Variants in EIPR1 observed in about 807,000 individuals in gnomAD.
EIPR1 encodes EARP and GARP complex-interacting protein 1.
EIPR1 carries 25 observed loss-of-function variants against 48.1 expected under a neutral mutation model. The observed-to-expected ratio is 0.52, with a 90% CI of 0.38 to 0.73. The LOEUF (loss-of-function observed/expected upper bound fraction) is 0.73. EIPR1 is among the 30% of genes least tolerant of loss of function. The probability of loss-of-function intolerance (pLI) is 0.00; values close to 1 mark genes in which losing one functional copy is unlikely to be tolerated. For missense variants in EIPR1, 415 were observed against 506.2 expected (o/e 0.82, Z 1.73); for synonymous variants, 204 against 201.9 (o/e 1.01, Z -0.09).
chr2:3,257,855 G>A (rs896926283), intron 3 of EIPR1, among the ~76,000 whole-genome samples: 1 of 152,236 alleles, frequency 6.6e-6, no homozygotes, highest in African/African-American at 2.4e-5. Context: ...TCTCTCCATA[G>A]CTGTATGAGA....
At chr2:3,343,039 T>G (rs1462144675) in intron 2 of EIPR1, among the ~76,000 whole-genome samples, 1 of 152,198 alleles carries the variant, frequency 6.6e-6, no homozygotes, top group African/African-American at 2.4e-5. Flanking sequence ...CTATAATATA[T>G]TACTATTAAT....
chr2:3,302,457 A>ATGC, intron 3 of EIPR1, among the ~76,000 whole-genome samples: 1 of 152,330 alleles, frequency 6.6e-6, no homozygotes, highest in East Asian at 1.9e-4. Context: ...TGGCTTTCTC[A>ATGC]TGCTGTCTCA....
In EIPR1 at chr2:3,214,249, C is replaced by T. The variant is rs1665553224; in HGVS notation, c.417-1G>A. 1 of 1,612,702 alleles carries T rather than the reference C, an allele frequency of 6.2e-7. No individual in the cohort carries two copies. The highest frequency in any genetic ancestry group is 1.1e-5 in the South Asian group (1 of 90,928). On this transcript the variant is annotated splice_acceptor_variant, in intron 4 of 8. Coordinates refer to ENST00000382125, the MANE Select transcript of EIPR1 (RefSeq NM_003310.5). LOFTEE classifies it high-confidence loss of function. ...ATCTCCCATTGGCTCCCACACGACA[C>T]TAAGAGAAAGAGAAGTACCAAATGT... is the stretch of plus-strand genomic sequence containing the variant.
At position 3,327,073 on chromosome 2, in the gene EIPR1, T is replaced by G. The variant is rs528398766; in HGVS notation, c.259+10944A>C. ...GCGAGACAGGAAACAGGGAGACAAG[T>G]GCTCTGGCAGAAACGGCCACACAGG... On this transcript the variant is annotated intron_variant, in intron 3 of 8. Coordinates refer to ENST00000382125, the MANE Select transcript of EIPR1 (RefSeq NM_003310.5). 1.7e-3 allele frequency among the ~76,000 whole-genome samples: 259 copies of G among 152,258 alleles called. 4 individuals carry two copies. The highest frequency in any genetic ancestry group is 8.8e-5 in the Non-Finnish European group (6 of 68,004).
chr2:3,303,757 G>GCGGCCTCTGCGCCCGGGAAGCTT (rs1668829613), intron 3 of EIPR1, among the ~76,000 whole-genome samples: 1 of 152,172 alleles, frequency 6.6e-6, no homozygotes, highest in Non-Finnish European at 1.5e-5. Flanking sequence ...GTGATACGGT[G>GCGGCCTCTGCGCCCGGGAAGCTT]CGGCCTCTGC....
rs61557621 is a variant in EIPR1, at chr2:3,225,222, A to ATGTGTGTGTGTGTGTG, written c.417-10990_417-10975dup. Reference sequence around the variant, plus strand: ...GTATATTTAGGTAGTACACTGTGATATGTGTGTGTGTGTGTGTGTGTGTGT... The same window carrying ATGTGTGTGTGTGTGTG: ...GTATATTTAGGTAGTACACTGTGATATGTGTGTGTGTGTGTGTGTGTGTGTGTGTGTGTGTGTGTGT... On this transcript the variant is annotated intron_variant, in intron 4 of 8. Transcript: ENST00000382125. Among the ~76,000 whole-genome samples the ATGTGTGTGTGTGTGTG allele has an allele frequency of 6.5e-4, 89 of 137,014 alleles. 1 individual carries two copies. Among genetic ancestry groups the ATGTGTGTGTGTGTGTG allele is most frequent in the African/African-American group, 1.4e-3 (52 of 36,392 alleles). The allele number at this position is 137,014 out of a possible 152,430, so 89.9% of individuals were successfully genotyped here.
intron 4 of EIPR1, among the ~76,000 whole-genome samples, chr2:3,255,595 T>A (rs1165485015): frequency 6.6e-6 from 1 of 152,250 alleles, no homozygotes; most frequent in Non-Finnish European, 1.5e-5. Flanking sequence ...ATACAGTGTC[T>A]GCACAAGGTG....
At chr2:3,197,386 T>C (rs769759544) in intron 5 of EIPR1, among the ~76,000 whole-genome samples, 4 of 152,200 alleles carry the variant, frequency 2.6e-5, no homozygotes, top group Non-Finnish European at 5.9e-5. Context: ...ACCTGAGCGG[T>C]TCCGGAATAA....
chr2:3,195,823 C>G (rs1446557350), intron 6 of EIPR1, among the ~76,000 whole-genome samples: 1 of 152,202 alleles, frequency 6.6e-6, no homozygotes, highest in Non-Finnish European at 1.5e-5. Flanking sequence ...CTCTGTGCTG[C>G]GCTGGCACGT....
chr2:3,270,413 G>A (rs1331735322), intron 3 of EIPR1, among the ~76,000 whole-genome samples: 3 of 152,186 alleles, frequency 2.0e-5, no homozygotes, highest in Non-Finnish European at 4.4e-5. Flanking sequence ...GTCTCCATGC[G>A]GCGGTGGTAG....
intron 2 of EIPR1, among the ~76,000 whole-genome samples, chr2:3,343,865 T>C (rs1473132891): frequency 6.6e-6 from 1 of 152,084 alleles, no homozygotes; most frequent in Non-Finnish European, 1.5e-5. Flanking sequence ...CCATTTCATC[T>C]GCGCTTCTAA....
At chr2:3,301,991 C>G (rs181106623) in intron 3 of EIPR1, among the ~76,000 whole-genome samples, 1 of 152,154 alleles carries the variant, frequency 6.6e-6, no homozygotes, top group African/African-American at 2.4e-5. Flanking sequence ...GCTCTGAAGG[C>G]GGAGAGACTG....
chr2:3,259,505 G>C (rs998016973), intron 3 of EIPR1, among the ~76,000 whole-genome samples: 5 of 152,126 alleles, frequency 3.3e-5, no homozygotes, highest in Non-Finnish European at 7.3e-5. Flanking sequence ...TGACCAGCTG[G>C]ACAATGAAGT....
At chr2:3,195,292 C>T (rs746408764) in intron 6 of EIPR1, among the ~76,000 whole-genome samples, 5 of 152,180 alleles carry the variant, frequency 3.3e-5, no homozygotes, top group Admixed American at 1.3e-4. Flanking sequence ...CTGCCGTGGG[C>T]GGGACTGAAA....
In EIPR1 at chr2:3,318,917, T is replaced by C. The variant is rs1248000814; in HGVS notation, c.259+19100A>G. The stretch of plus-strand genomic sequence containing the variant: ...GTGTTTACAAAGACAATCGTGGGAC[T>C]CTGAGCTACAGGAAGAATGCCAAAC... On this transcript the variant is annotated intron_variant, in intron 3 of 8. Coordinates refer to ENST00000382125, the MANE Select transcript of EIPR1 (RefSeq NM_003310.5). 4 of 471,456 alleles carry C rather than the reference T, an allele frequency of 8.5e-6. No individual in the cohort carries two copies. The East Asian group carries it at 2.8e-4, about 33-fold the overall frequency. 29.2% of individuals were successfully genotyped at this position (471,456 alleles called of 1,614,324 possible).
intron 3 of EIPR1, among the ~76,000 whole-genome samples, chr2:3,308,037 C>G (rs1237895638): frequency 1.3e-5 from 2 of 152,198 alleles, no homozygotes; most frequent in East Asian, 1.9e-4. Flanking sequence ...CAGAGCCACA[C>G]CAGCCCCAGG....
intron 3 of EIPR1, among the ~76,000 whole-genome samples, chr2:3,274,873 A>C (rs1667801289): frequency 6.6e-6 from 1 of 152,186 alleles, no homozygotes; most frequent in Non-Finnish European, 1.5e-5. Flanking sequence ...ATTTCATGTT[A>C]AATATGAATA....
chr2:3,247,277 G>C (rs1012591792), intron 4 of EIPR1, among the ~76,000 whole-genome samples: 1 of 152,158 alleles, frequency 6.6e-6, no homozygotes, highest in Non-Finnish European at 1.5e-5. Context: ...ATGCGCCGAG[G>C]TTTCCATTAT....
chr2:3,296,111 C>T (rs1668578258), intron 3 of EIPR1, among the ~76,000 whole-genome samples: 3 of 137,274 alleles, frequency 2.2e-5, no homozygotes, highest in African/African-American at 2.8e-5. Context: ...TCTCTACACA[C>T]ACACCCTCCA....
Sources: allele counts gnomAD v4.1 joint callset (sites outside exome capture counted in the v4.1 genomes callset), GRCh38; gene constraint gnomAD v4.1.1; transcripts MANE v1.5; gene names NCBI Gene and HGNC (gene_info 2026-07-23, HGNC 2026-07-21).